The following AZI2 variants were observed in gnomAD, a reference collection of about 807,000 sequenced individuals.
AZI2 encodes 5-azacytidine-induced protein 2.
Under a neutral mutation model 45.8 loss-of-function variants are expected in AZI2, and 22 were observed. The observed-to-expected ratio is 0.48, with a 90% CI of 0.34 to 0.69. AZI2 has a LOEUF of 0.69. Among genes scored for constraint, AZI2 ranks in the 30% least tolerant of loss-of-function variants. AZI2 has a pLI of 0.01. For missense variants in AZI2, 417 were observed against 441.5 expected, an observed-to-expected ratio of 0.94 and a Z score of 0.50; for synonymous variants, 137 against 156.7, an observed-to-expected ratio of 0.87 and a Z score of 0.94.
intron 1 of AZI2, among the ~76,000 whole-genome samples, chr3:28,341,940 A>C (rs1704033325): frequency 6.6e-6 from 1 of 152,038 alleles, no homozygotes; most frequent in Admixed American, 6.6e-5. Context: ...TAACATAGTA[A>C]GTGGAGAGTT....
At chr3:28,342,235 T>C (rs1033698570) in intron 1 of AZI2, among the ~76,000 whole-genome samples, 2 of 152,182 alleles carry the variant, frequency 1.3e-5, no homozygotes, top group African/African-American at 4.8e-5. Flanking sequence ...TCTAGAATTA[T>C]AAGAAAGGCA....
rs1703279736 is a variant in AZI2 at position 28,323,961 on chromosome 3, T to C, written c.*81A>G. 4.8e-6 allele frequency: 7 copies of C among 1,448,278 alleles called. No individual in the cohort carries two copies. In the South Asian group the frequency reaches 9.5e-5, roughly 20 times the overall value. 89.7% of individuals were successfully genotyped at this position (1,448,278 alleles called of 1,614,324 possible). ...TGCAAAATTTTAATCAAAATCTCCT[T>C]TCAGTTTGTTAAATAATTTCTTGGG... On this transcript the variant is annotated 3_prime_UTR_variant, in exon 8 of 8. Coordinates refer to ENST00000479665, the MANE Select transcript of AZI2 (RefSeq NM_022461.5).
chr3:28,334,037 A>C (rs1331251729), intron 5 of AZI2, among the ~76,000 whole-genome samples: 1 of 151,496 alleles, frequency 6.6e-6, no homozygotes, highest in Non-Finnish European at 1.5e-5. Flanking sequence ...AAATGGCTGG[A>C]ATATTAGGGG....
In AZI2 at chr3:28,327,054, T is replaced by C. The variant is rs148684245; in HGVS notation, c.648-104A>G. 4,371 of 766,230 alleles carry C rather than the reference T, an allele frequency of 5.7e-3. 22 individuals are homozygous for C. The highest frequency in any genetic ancestry group is 7.3e-3 in the Middle Eastern group (24 of 3,306). The allele number at this position is 766,230 out of a possible 1,614,324, so 47.5% of individuals were successfully genotyped here. On this transcript the variant is annotated intron_variant, in intron 6 of 7. Coordinates refer to ENST00000479665, the MANE Select transcript of AZI2 (RefSeq NM_022461.5). Reference sequence around the variant, plus strand: ...GATCAAGTTTCTGCTCCAATTAGTTTTGAGATGATGTAAACTGAAAAAAAC... The same window carrying C: ...GATCAAGTTTCTGCTCCAATTAGTTCTGAGATGATGTAAACTGAAAAAAAC...
At chr3:28,346,436 G>C (rs1486299193) in intron 1 of AZI2, among the ~76,000 whole-genome samples, 1 of 152,036 alleles carries the variant, frequency 6.6e-6, no homozygotes, top group African/African-American at 2.4e-5. Flanking sequence ...AAAAGGTATG[G>C]TACACACATT....
At position 28,338,458 on chromosome 3, in the gene AZI2, A is replaced by G. The variant is rs372784233; in HGVS notation, c.339+35T>C. 112 of 1,483,514 alleles carry G rather than the reference A, an allele frequency of 7.5e-5. No individual in the cohort carries two copies. In the African/African-American group the frequency reaches 1.4e-3, roughly 19 times the overall value. The allele number at this position is 1,483,514 out of a possible 1,614,324, so 91.9% of individuals were successfully genotyped here. On this transcript the variant is annotated intron_variant, in intron 3 of 7. Transcript: ENST00000479665. ...CTCTTGAAGGAGAAAATTCATTTCCAAAATGCAGATGTCATTCGCTTCAAA... is the reference window on the plus strand; with the variant it reads ...CTCTTGAAGGAGAAAATTCATTTCCGAAATGCAGATGTCATTCGCTTCAAA...
At chr3:28,346,800 G>A (rs1413723879) in intron 1 of AZI2, among the ~76,000 whole-genome samples, 2 of 152,124 alleles carry the variant, frequency 1.3e-5, no homozygotes, top group South Asian at 4.1e-4. Flanking sequence ...TATAAAGAAG[G>A]GTCATCAAGT....
At chr3:28,326,806 G>T in intron 7 of AZI2, 26 bp downstream of exon 7, 1 of 1,534,406 alleles carries the variant, frequency 6.5e-7, no homozygotes, top group Non-Finnish European at 9.0e-7. Flanking sequence ...GCTGGAATCA[G>T]TGGTTTCCGG....
At chr3:28,341,032 A>T (rs1703996854) in intron 1 of AZI2, among the ~76,000 whole-genome samples, 1 of 152,064 alleles carries the variant, frequency 6.6e-6, no homozygotes, top group South Asian at 2.1e-4. Flanking sequence ...CAAGTTTCAT[A>T]GCTTCTCAAT....
intron 6 of AZI2, among the ~76,000 whole-genome samples, chr3:28,329,851 G>C (rs1344309122): frequency 6.6e-6 from 1 of 151,102 alleles, no homozygotes; most frequent in African/African-American, 2.4e-5. Context: ...AAGAAAACAA[G>C]TTCTAAGAAA....
chr3:28,332,300 T>C, intron 6 of AZI2, 69 bp downstream of exon 6: 1 of 1,373,606 alleles, frequency 7.3e-7, no homozygotes, highest in Non-Finnish European at 1.0e-6. Flanking sequence ...AAAAGAAATC[T>C]AAGGACCTAC....
At chr3:28,348,490 G>A (rs1312646349) in intron 1 of AZI2, 111 bp downstream of exon 1, 2 of 151,322 alleles carry the variant, frequency 1.3e-5, no homozygotes, top group African/African-American at 2.5e-5. Flanking sequence ...GGGGGCGCGG[G>A]AGGGAGTGAG....
chr3:28,346,987 T>C (rs1208178476), intron 1 of AZI2, among the ~76,000 whole-genome samples: 1 of 152,232 alleles, frequency 6.6e-6, no homozygotes, highest in African/African-American at 2.4e-5. Flanking sequence ...GAAATCAGTT[T>C]GTATTGCACA....
At chr3:28,348,322 A>G (rs1704349120) in intron 1 of AZI2, 1 of 152,226 alleles carries the variant, frequency 6.6e-6, no homozygotes, top group Non-Finnish European at 1.5e-5. Context: ...CGCCCCAGTA[A>G]GAGTACGAAA....
chr3:28,326,700 A>C, intron 7 of AZI2, 132 bp downstream of exon 7: 2 of 769,070 alleles, frequency 2.6e-6, no homozygotes, highest in Non-Finnish European at 4.7e-6. Flanking sequence ...GAGAATGGGT[A>C]GGCTGCGAAT....
In AZI2 at chr3:28,321,952, A is replaced by T. The variant is rs1688045007; in HGVS notation, c.*2090T>A. 6.6e-6 allele frequency: 1 copy of T among 151,394 alleles called. No homozygotes were observed. Among genetic ancestry groups the T allele is most frequent in the African/African-American group, 2.4e-5 (1 of 41,360 alleles). The allele number at this position is 151,394 out of a possible 1,614,324, so 9.4% of individuals were successfully genotyped here. ...AAAGATTCCAAAGGAAGCTCTTTAG[A>T]GCAAGTTTCAGCTAGTATGAAAGAA... On this transcript the variant is annotated 3_prime_UTR_variant, in exon 8 of 8. Coordinates refer to ENST00000479665, the MANE Select transcript of AZI2 (RefSeq NM_022461.5).
chr3:28,347,595 G>A (rs1417124033), intron 1 of AZI2, among the ~76,000 whole-genome samples: 2 of 152,180 alleles, frequency 1.3e-5, no homozygotes, highest in Non-Finnish European at 2.9e-5. Context: ...CCATTGTCAA[G>A]TAAATGGAAA....
At chr3:28,345,336 A>G (rs2125671401) in intron 1 of AZI2, among the ~76,000 whole-genome samples, 2 of 152,206 alleles carry the variant, frequency 1.3e-5, no homozygotes, top group South Asian at 4.1e-4. Context: ...ATTAGTAAAC[A>G]CCCTTTAGAT....
intron 7 of AZI2, 49 bp from the exon 8 acceptor site, chr3:28,324,503 CATAAAATTCG>C (rs1703308453): frequency 7.2e-7 from 1 of 1,388,982 alleles, no homozygotes; most frequent in Non-Finnish European, 9.5e-7. Flanking sequence ...CATTTGTGAT[CATAAAATTCG>C]ATAACACTTC....
Sources: allele counts gnomAD v4.1 joint callset (sites outside exome capture counted in the v4.1 genomes callset), GRCh38; gene constraint gnomAD v4.1.1; transcripts MANE v1.5; gene names NCBI Gene and HGNC (gene_info 2026-07-23, HGNC 2026-07-21).